The following AQP9 variants were observed in gnomAD, a reference collection of about 807,000 sequenced individuals.
The protein encoded by AQP9 is aquaporin 9, also known as aquaporin-9.
Under a neutral mutation model 23.8 loss-of-function variants are expected in AQP9, and 19 were observed. That is an observed-to-expected ratio of 0.80 (90% confidence interval 0.56 to 1.17). AQP9 has a LOEUF of 1.17. Among genes scored for constraint, AQP9 ranks in the 50% most tolerant of loss-of-function variants. The pLI, the probability that AQP9 is intolerant of heterozygous loss-of-function variation, is 0.00. For missense variants in AQP9, 413 were observed against 362.0 expected (o/e 1.14, Z -1.14); for synonymous variants, 153 against 131.5 (o/e 1.16, Z -1.12).
chr15:58,163,643 G>T (rs921781087), intron 1 of AQP9, among the ~76,000 whole-genome samples: 2 of 152,156 alleles, frequency 1.3e-5, no homozygotes, highest in Admixed American at 6.5e-5. Context: ...GGGAGACCAG[G>T]AAAATCAAGA....
intron 5 of AQP9, among the ~76,000 whole-genome samples, chr15:58,182,591 A>T (rs1205559795): frequency 2.6e-5 from 4 of 152,124 alleles, no homozygotes; most frequent in African/African-American, 9.7e-5. Context: ...TCTAGAGAAG[A>T]CTTCAAGTCT....
chr15:58,138,358 G>C, upstream of AQP9: 1 of 458,152 alleles, frequency 2.2e-6, no homozygotes, highest in South Asian at 3.8e-5. Context: ...CAAACAAATA[G>C]CAGCGAACAG....
rs143696466 is a variant in AQP9 at position 58,173,318 on chromosome 15, T to C, written c.376+113T>C. 8 of 1,441,546 alleles carry C rather than the reference T, an allele frequency of 5.5e-6. No homozygotes were observed. In the East Asian group the frequency reaches 1.8e-4, roughly 33 times the overall value. 89.3% of individuals were successfully genotyped at this position (1,441,546 alleles called of 1,614,324 possible). On this transcript the variant is annotated intron_variant, in intron 3 of 5. Transcript: ENST00000219919. ...GCAAGGACGGGAAGCATTCTACAAGTGACAGCAAGTTCTAAATTTGAGAAA... is the reference window on the plus strand; with the variant it reads ...GCAAGGACGGGAAGCATTCTACAAGCGACAGCAAGTTCTAAATTTGAGAAA...
At chr15:58,178,312 C>G in intron 4 of AQP9, among the ~76,000 whole-genome samples, 1 of 151,906 alleles carries the variant, frequency 6.6e-6, no homozygotes, top group East Asian at 1.9e-4. Context: ...TACTACATAG[C>G]TTTTATGTTT....
chr15:58,140,176 A>T (rs1325942427), intron 1 of AQP9, among the ~76,000 whole-genome samples: 2 of 151,668 alleles, frequency 1.3e-5, no homozygotes, highest in African/African-American at 4.9e-5. Context: ...CAGAAAACAG[A>T]GGAGGAAATG....
At position 58,141,434 on chromosome 15, in the gene AQP9, G is replaced by A. The variant is rs1301843673; in HGVS notation, c.111+2758G>A. Reference sequence around the variant, plus strand: ...TCTTTTCTCACCCTGTCAAGCTTCCGCATTAGAGGTCTAACTTTTGGCATC... The same window carrying A: ...TCTTTTCTCACCCTGTCAAGCTTCCACATTAGAGGTCTAACTTTTGGCATC... On this transcript the variant is annotated intron_variant, in intron 1 of 5. Coordinates refer to ENST00000219919, the MANE Select transcript of AQP9 (RefSeq NM_020980.5). 6.6e-5 allele frequency among the ~76,000 whole-genome samples: 10 copies of A among 152,150 alleles called. No homozygotes were observed. The East Asian group carries it at 9.6e-4, about 15-fold the overall frequency.
At chr15:58,178,743 T>C (rs1042704187) in intron 4 of AQP9, among the ~76,000 whole-genome samples, 1 of 152,220 alleles carries the variant, frequency 6.6e-6, no homozygotes, top group Non-Finnish European at 1.5e-5. Context: ...TCTCACCAAT[T>C]TGAACAAGCC....
At chr15:58,178,758 A>C (rs1249872460) in intron 4 of AQP9, among the ~76,000 whole-genome samples, 1 of 152,114 alleles carries the variant, frequency 6.6e-6, no homozygotes, top group African/African-American at 2.4e-5. Context: ...CAAGCCTTTC[A>C]TTCATTTTTC....
chr15:58,140,931 G>T (rs549929300), intron 1 of AQP9, among the ~76,000 whole-genome samples: 5 of 152,260 alleles, frequency 3.3e-5, no homozygotes, highest in East Asian at 1.9e-4. Context: ...GTGCTAAAAG[G>T]TTGGGAACAG....
intron 1 of AQP9, among the ~76,000 whole-genome samples, chr15:58,148,422 T>G (rs1251307321): frequency 6.6e-6 from 1 of 152,190 alleles, no homozygotes; most frequent in East Asian, 1.9e-4. Flanking sequence ...ACTAATGATC[T>G]GTGAAACATA....
In AQP9 at chr15:58,158,306, C is replaced by T. The variant is rs112070304; in HGVS notation, c.112-8367C>T. Among the ~76,000 whole-genome samples, 947 of 152,200 alleles carry T rather than the reference C, an allele frequency of 6.2e-3. 15 individuals are homozygous for T. The highest frequency in any genetic ancestry group is 0.022 in the African/African-American group (904 of 41,536). ...ACCTCTTGTTCCATCCAGTGTGTGA[C>T]GGCTAAAAGTTCGGGCCTCTGACTA... On this transcript the variant is annotated intron_variant, in intron 1 of 5. Coordinates refer to ENST00000219919, the MANE Select transcript of AQP9 (RefSeq NM_020980.5).
chr15:58,165,983 C>G (rs533934696), intron 1 of AQP9, among the ~76,000 whole-genome samples: 1 of 152,304 alleles, frequency 6.6e-6, no homozygotes, highest in African/African-American at 2.4e-5. Flanking sequence ...ATCTATCCCC[C>G]TAAGGTTTTC....
intron 5 of AQP9, among the ~76,000 whole-genome samples, chr15:58,179,845 C>T (rs1412983488): frequency 1.3e-5 from 2 of 152,144 alleles, no homozygotes; most frequent in Non-Finnish European, 2.9e-5. Context: ...CAAAAGCACT[C>T]ACCTTGAGCG....
chr15:58,166,910 A>G, intron 2 of AQP9, 111 bp downstream of exon 2: 2 of 1,387,666 alleles, frequency 1.4e-6, no homozygotes, highest in East Asian at 2.6e-5. Flanking sequence ...AAATCCTGCA[A>G]GAGTGTGTAT....
At chr15:58,182,421 C>T (rs1453248033) in intron 5 of AQP9, among the ~76,000 whole-genome samples, 1 of 152,128 alleles carries the variant, frequency 6.6e-6, no homozygotes, top group African/African-American at 2.4e-5. Flanking sequence ...CCTGATACAA[C>T]ATGTCCAATC....
chr15:58,159,059 G>T (rs1403577806), intron 1 of AQP9, among the ~76,000 whole-genome samples: 2 of 152,152 alleles, frequency 1.3e-5, no homozygotes, highest in Non-Finnish European at 2.9e-5. Flanking sequence ...TTTGAGCAGG[G>T]TTACGTGCAA....
intron 2 of AQP9, among the ~76,000 whole-genome samples, chr15:58,171,677 G>A (rs1325554015): frequency 2.0e-5 from 3 of 152,194 alleles, no homozygotes; most frequent in Non-Finnish European, 2.9e-5. Flanking sequence ...GAGTGGCAGG[G>A]GCAGGTGAAG....
At chr15:58,171,354 T>G (rs1898617484) in intron 2 of AQP9, among the ~76,000 whole-genome samples, 1 of 152,140 alleles carries the variant, frequency 6.6e-6, no homozygotes, top group Non-Finnish European at 1.5e-5. Context: ...CCCAAAGTGC[T>G]GGGATTACAG....
In AQP9 at chr15:58,138,687, C is replaced by A. The variant is rs1485451625; in HGVS notation, c.111+11C>A. 1 of 1,611,068 alleles carries A rather than the reference C, an allele frequency of 6.2e-7. No individual in the cohort carries two copies. On this transcript the variant is annotated intron_variant, in intron 1 of 5. Coordinates refer to ENST00000219919, the MANE Select transcript of AQP9 (RefSeq NM_020980.5). ...ACGTTCATCTTGATTGTAAGTATTT[C>A]CTGATTTCCTACATTCAGACCCAAT... is the stretch of plus-strand genomic sequence containing the variant.
Sources: gnomAD v4.1 joint callset for allele counts (sites outside exome capture counted in the v4.1 genomes callset) on GRCh38, gnomAD v4.1.1 for gene constraint, MANE v1.5 for transcripts, NCBI Gene and HGNC (gene_info 2026-07-23, HGNC 2026-07-21) for gene names.